Variants in TANGO6 observed in about 807,000 individuals in gnomAD.
TANGO6 encodes the protein transport and Golgi organization protein 6 homolog.
TANGO6 carries 90 observed loss-of-function variants against 114.2 expected under a neutral mutation model. The ratio of observed to expected loss-of-function variants is 0.79; its 90% confidence interval spans 0.66 to 0.94. The LOEUF (loss-of-function observed/expected upper bound fraction) is 0.94. Ranked by LOEUF, TANGO6 falls within the 40% of genes least tolerant of loss-of-function variation. The pLI is 0.00. For missense variants in TANGO6, 1,274 were observed against 1,315.3 expected, an observed-to-expected ratio of 0.97 and a Z score of 0.49; for synonymous variants, 477 against 509.8, an observed-to-expected ratio of 0.94 and a Z score of 0.87.
intron 12 of TANGO6, among the ~76,000 whole-genome samples, chr16:68,927,305 T>C (rs1963179316): frequency 2.0e-5 from 3 of 152,184 alleles, no homozygotes; most frequent in Admixed American, 2.0e-4. Flanking sequence ...TAGATAATAA[T>C]AGTCATTATA....
intron 15 of TANGO6, among the ~76,000 whole-genome samples, chr16:69,018,242 C>G (rs572161723): frequency 2.1e-5 from 3 of 143,998 alleles, no homozygotes; most frequent in South Asian, 4.6e-4. Flanking sequence ...CTCCCGGGTT[C>G]ACGCCATTCT....
chr16:69,003,591 T>TA lies in TANGO6; in HGVS notation c.2843-19231dup, dbSNP rs1964064405. Among the ~76,000 whole-genome samples, 3 of 152,328 alleles carry TA rather than the reference T, an allele frequency of 2.0e-5. No individual in the cohort carries two copies. In the South Asian group the frequency reaches 6.2e-4, roughly 32 times the overall value. ...TCTTACTGAAAGCAAACCAATACTT[T>TA]AAAAAACGTGTTTTAACATAGGGGA... On this transcript the variant is annotated intron_variant, in intron 15 of 17. Transcript: ENST00000261778.
At chr16:68,865,569 G>T (rs1469711102) in intron 3 of TANGO6, among the ~76,000 whole-genome samples, 5 of 152,164 alleles carry the variant, frequency 3.3e-5, no homozygotes, top group Middle Eastern at 6.3e-3. Flanking sequence ...AGAACTCCCA[G>T]AAAGGGGTCC....
At chr16:69,025,196 T>C (rs35966278) in intron 16 of TANGO6, among the ~76,000 whole-genome samples, 1 of 152,234 alleles carries the variant, frequency 6.6e-6, no homozygotes. Flanking sequence ...TTATAGCTTG[T>C]ACCACATTCA....
chr16:68,981,210 CTTTT>C (rs553789256), intron 15 of TANGO6, among the ~76,000 whole-genome samples: 11 of 111,020 alleles, frequency 9.9e-5, no homozygotes, highest in Admixed American at 1.9e-4. Context: ...TTTTCTTTTC[CTTTT>C]TTTTTTTTTT....
At chr16:69,006,884 T>A (rs1406500436) in intron 15 of TANGO6, among the ~76,000 whole-genome samples, 2 of 152,192 alleles carry the variant, frequency 1.3e-5, no homozygotes, top group Non-Finnish European at 2.9e-5. Flanking sequence ...TACAATCAAT[T>A]TAGGACATTT....
chr16:68,977,789 G>A (rs1396313289), intron 15 of TANGO6, among the ~76,000 whole-genome samples: 4 of 149,776 alleles, frequency 2.7e-5, no homozygotes, highest in East Asian at 4.1e-4. Context: ...GGGTTCAAGC[G>A]ATTCTCCTGC....
intron 14 of TANGO6, among the ~76,000 whole-genome samples, chr16:68,961,504 G>A (rs963320067): frequency 7.9e-5 from 12 of 152,318 alleles, no homozygotes; most frequent in African/African-American, 1.7e-4. Context: ...AAGTGCTTAC[G>A]ACTGTACAAG....
At chr16:68,947,382 A>C (rs1324979305) in intron 14 of TANGO6, among the ~76,000 whole-genome samples, 1 of 151,912 alleles carries the variant, frequency 6.6e-6, no homozygotes, top group Non-Finnish European at 1.5e-5. Context: ...TGAACCAGGG[A>C]GTCGAAGGTT....
intron 17 of TANGO6, among the ~76,000 whole-genome samples, chr16:69,041,275 C>T (rs1959770274): frequency 6.6e-6 from 1 of 151,924 alleles, no homozygotes; most frequent in African/African-American, 2.4e-5. Flanking sequence ...GGAGAAACCC[C>T]ATCTCTACTA....
chr16:69,060,783 C>T (rs965359981), intron 17 of TANGO6, among the ~76,000 whole-genome samples: 24 of 151,352 alleles, frequency 1.6e-4, no homozygotes, highest in Non-Finnish European at 2.8e-4. Flanking sequence ...CACAAGGTCA[C>T]GAGATCGAGA....
At chr16:68,943,776 A>G (rs1963383958) in intron 14 of TANGO6, among the ~76,000 whole-genome samples, 1 of 152,134 alleles carries the variant, frequency 6.6e-6, no homozygotes, top group Admixed American at 6.5e-5. Flanking sequence ...GGTCTTTTAT[A>G]TGAGAATTTT....
intron 15 of TANGO6, chr16:69,007,269 C>CTTTTTTTTTTTTTTTTTT (rs546825543): frequency 8.9e-6 from 1 of 112,784 alleles, no homozygotes; most frequent in African/African-American, 3.4e-5. Context: ...TTTTTCTTTT[C>CTTTTTTTTTTTTTTTTTT]TTTTTTTTTT....
chr16:68,900,588 G>A (rs369973442), intron 8 of TANGO6, 42 bp downstream of exon 8: 21 of 1,438,786 alleles, frequency 1.5e-5, no homozygotes, highest in Middle Eastern at 1.8e-4. Flanking sequence ...AAATTGTGAC[G>A]TCTTTTTTGC....
intron 14 of TANGO6, among the ~76,000 whole-genome samples, chr16:68,945,960 T>G (rs2152203550): frequency 6.6e-6 from 1 of 152,250 alleles, no homozygotes; most frequent in East Asian, 1.9e-4. Flanking sequence ...GCTAGGATTA[T>G]AGGCGTGAGC....
intron 17 of TANGO6, among the ~76,000 whole-genome samples, chr16:69,067,890 T>C (rs1299799017): frequency 2.7e-5 from 4 of 148,232 alleles, no homozygotes; most frequent in African/African-American, 1.0e-4. Context: ...TGAGCCAAGA[T>C]TGCACCACTG....
At chr16:68,914,414 G>A (rs1189544235) in intron 11 of TANGO6, among the ~76,000 whole-genome samples, 2 of 152,090 alleles carry the variant, frequency 1.3e-5, no homozygotes, top group Non-Finnish European at 2.9e-5. Context: ...TGCCTGCCTT[G>A]GCCTCCCAAA....
At chr16:69,045,280 C>T (rs1383908647) in intron 17 of TANGO6, among the ~76,000 whole-genome samples, 1 of 150,418 alleles carries the variant, frequency 6.6e-6, no homozygotes, top group Non-Finnish European at 1.5e-5. Flanking sequence ...TGGTGAAACC[C>T]CGTCTCTACT....
chr16:69,006,623 C>T (rs573069039), intron 15 of TANGO6, among the ~76,000 whole-genome samples: 14 of 151,962 alleles, frequency 9.2e-5, no homozygotes, highest in East Asian at 5.8e-4. Context: ...TGGTGGCACG[C>T]GCCTGTAATC....
Sources: gnomAD v4.1 joint callset for allele counts (sites outside exome capture counted in the v4.1 genomes callset) on GRCh38, gnomAD v4.1.1 for gene constraint, MANE v1.5 for transcripts, NCBI Gene and HGNC (gene_info 2026-07-23, HGNC 2026-07-21) for gene names.